The following PGM5 variants were observed in gnomAD, a reference collection of about 807,000 sequenced individuals.
PGM5 encodes the protein phosphoglucomutase-like protein 5.
A neutral mutation model predicts 59.2 loss-of-function variants in PGM5; 23 were observed. That is an observed-to-expected ratio of 0.39 (90% CI 0.28 to 0.55). The LOEUF (loss-of-function observed/expected upper bound fraction) is 0.55, where lower values mean the gene tolerates loss of function less well. Ranked by LOEUF, PGM5 falls within the 20% of genes least tolerant of loss-of-function variation. The pLI, the probability that PGM5 is intolerant of heterozygous loss-of-function variation, is 0.66. For missense variants in PGM5, 574 were observed against 748.3 expected, an observed-to-expected ratio of 0.77 and a Z score of 2.72; for synonymous variants, 214 against 286.0, an observed-to-expected ratio of 0.75 and a Z score of 2.54.
At chr9:68,410,395 T>C (rs1330599423) in intron 6 of PGM5, among the ~76,000 whole-genome samples, 1 of 152,090 alleles carries the variant, frequency 6.6e-6, no homozygotes, top group Admixed American at 6.6e-5. Flanking sequence ...GTACTGTGGG[T>C]TTAGATGATG....
At chr9:68,524,390 G>T (rs1018327197) in intron 10 of PGM5, among the ~76,000 whole-genome samples, 1 of 152,110 alleles carries the variant, frequency 6.6e-6, no homozygotes, top group Non-Finnish European at 1.5e-5. Flanking sequence ...CATCTTGAAA[G>T]GATGCAAGGC....
intron 1 of PGM5, among the ~76,000 whole-genome samples, chr9:68,359,513 C>T (rs2131968535): frequency 6.6e-6 from 1 of 152,160 alleles, no homozygotes. Context: ...AAGTGAATAG[C>T]CATAAGGCTG....
At chr9:68,501,223 G>T in intron 10 of PGM5, among the ~76,000 whole-genome samples, 1 of 152,220 alleles carries the variant, frequency 6.6e-6, no homozygotes, top group East Asian at 1.9e-4. Context: ...ATGGGCCCCC[G>T]AGTATGTAGC....
At chr9:68,443,071 G>A (rs1823554092) in intron 6 of PGM5, among the ~76,000 whole-genome samples, 1 of 152,242 alleles carries the variant, frequency 6.6e-6, no homozygotes, top group African/African-American at 2.4e-5. Context: ...AATTAAAACT[G>A]TACACAAATA....
chr9:68,431,444 A>C (rs1003953265), intron 6 of PGM5, among the ~76,000 whole-genome samples: 1 of 152,190 alleles, frequency 6.6e-6, no homozygotes, highest in African/African-American at 2.4e-5. Flanking sequence ...GTGAGGCTGC[A>C]AATACTCAGA....
intron 6 of PGM5, among the ~76,000 whole-genome samples, chr9:68,459,490 A>G (rs1422741499): frequency 6.6e-6 from 1 of 152,164 alleles, no homozygotes; most frequent in Non-Finnish European, 1.5e-5. Context: ...ATTTTACTCA[A>G]TGTTATGAGT....
intron 7 of PGM5, among the ~76,000 whole-genome samples, chr9:68,470,851 G>A (rs1824008509): frequency 6.6e-6 from 1 of 152,222 alleles, no homozygotes; most frequent in Non-Finnish European, 1.5e-5. Context: ...AACAGGCTGA[G>A]TGCATGTGTG....
chr9:68,372,096 ATACAAACTTTGTATTAGAT>A (rs534473582), intron 1 of PGM5, among the ~76,000 whole-genome samples: 3,354 of 152,260 alleles, frequency 0.022, 57 homozygotes, highest in African/African-American at 0.073. Context: ...TGTGAAGCTA[ATACAAACTTTGTATTAGAT>A]TACAAACTTT....
intron 2 of PGM5, among the ~76,000 whole-genome samples, chr9:68,379,746 A>T (rs1411662246): frequency 5.3e-5 from 8 of 152,202 alleles, no homozygotes; most frequent in Admixed American, 4.6e-4. Context: ...ATTGAAAGTA[A>T]AGGGATAGAA....
At chr9:68,381,970 A>T (rs1300720400) in intron 2 of PGM5, among the ~76,000 whole-genome samples, 1 of 152,002 alleles carries the variant, frequency 6.6e-6, no homozygotes. Context: ...AAAACAATAT[A>T]CAGATTTAAC....
intron 10 of PGM5, among the ~76,000 whole-genome samples, chr9:68,516,773 G>C (rs938603898): frequency 2.0e-5 from 3 of 152,212 alleles, no homozygotes; most frequent in Non-Finnish European, 2.9e-5. Context: ...CCACACAGCT[G>C]CTTTGCCAGC....
intron 10 of PGM5, among the ~76,000 whole-genome samples, chr9:68,520,145 T>G (rs1206401808): frequency 3.4e-5 from 5 of 148,600 alleles, no homozygotes; most frequent in African/African-American, 9.8e-5. Context: ...CTTTTATACA[T>G]AAAAATACAG....
At chr9:68,399,363 T>G (rs1391854532) in intron 6 of PGM5, 1 of 152,078 alleles carries the variant, frequency 6.6e-6, no homozygotes, top group Non-Finnish European at 1.5e-5. Flanking sequence ...TTAGTCAATT[T>G]TAACCAAATA....
chr9:68,483,188 T>C (rs1270178692), intron 8 of PGM5, among the ~76,000 whole-genome samples: 1 of 152,206 alleles, frequency 6.6e-6, no homozygotes, highest in Non-Finnish European at 1.5e-5. Flanking sequence ...GCTCACGTTC[T>C]GGTGGCCAAA....
chr9:68,429,200 T>A (rs1442591398), intron 6 of PGM5: 1 of 152,164 alleles, frequency 6.6e-6, no homozygotes, highest in East Asian at 1.9e-4. Flanking sequence ...CATAATAAAC[T>A]TTTCGTATGT....
At chr9:68,467,629 A>G (rs1371180351) in intron 7 of PGM5, among the ~76,000 whole-genome samples, 2 of 152,116 alleles carry the variant, frequency 1.3e-5, no homozygotes, top group African/African-American at 4.8e-5. Flanking sequence ...AAGATCTTAC[A>G]CTGTAATTGG....
intron 6 of PGM5, among the ~76,000 whole-genome samples, chr9:68,432,984 A>G (rs183485083): frequency 1.3e-5 from 2 of 152,220 alleles, no homozygotes; most frequent in East Asian, 1.9e-4. Context: ...TAATTCCCCT[A>G]TTGTTCAATA....
At chr9:68,498,113 T>C (rs1203953778) in intron 9 of PGM5, 1 of 152,230 alleles carries the variant, frequency 6.6e-6, no homozygotes, top group South Asian at 2.1e-4. Context: ...AGCTGGGAAC[T>C]GGGTCACGCA....
chr9:68,431,712 T>A (rs555841529), intron 6 of PGM5, among the ~76,000 whole-genome samples: 2 of 152,170 alleles, frequency 1.3e-5, no homozygotes, highest in Non-Finnish European at 2.9e-5. Flanking sequence ...GTCTATTCCA[T>A]CTTATAAGGA....
Sources: allele counts gnomAD v4.1 joint callset (sites outside exome capture counted in the v4.1 genomes callset), GRCh38; gene constraint gnomAD v4.1.1; transcripts MANE v1.5; gene names NCBI Gene and HGNC (gene_info 2026-07-23, HGNC 2026-07-21).